NF1: variants seen among roughly 807,000 people sequenced by gnomAD.
The protein encoded by NF1 is neurofibromin.
In NF1, 122 loss-of-function variants were observed where a neutral mutation model predicts 325.7. The observed-to-expected ratio is 0.37, with a 90% CI of 0.32 to 0.44. NF1 has a LOEUF of 0.44. Among genes scored for constraint, NF1 ranks in the 20% least tolerant of loss-of-function variants. The pLI is 1.00. For missense variants in NF1, 2,140 were observed against 3,415.4 expected (o/e 0.63, Z 9.31); for synonymous variants, 1,091 against 1,186.0 (o/e 0.92, Z 1.65).
chr17:31,350,593 T>G (rs757150407), intron 50 of NF1, among the ~76,000 whole-genome samples: 1 of 152,150 alleles, frequency 6.6e-6, no homozygotes, highest in Non-Finnish European at 1.5e-5. Flanking sequence ...CTTGAAAATA[T>G]TAGGTTGCAG....
intron 57 of NF1, among the ~76,000 whole-genome samples, chr17:31,366,177 C>T (rs559524047): frequency 6.6e-6 from 1 of 152,200 alleles, no homozygotes; most frequent in Admixed American, 6.5e-5. Flanking sequence ...TTGTGATCCT[C>T]CCACCTCCAC....
At position 31,336,492 on chromosome 17, in the gene NF1, C is replaced by T. The variant is rs2151553695; in HGVS notation, c.6147+19C>T. 1 of 1,613,690 alleles carries T rather than the reference C, an allele frequency of 6.2e-7. No individual in the cohort carries two copies. Among genetic ancestry groups the T allele is most frequent in the Non-Finnish European group, 8.5e-7 (1 of 1,179,892 alleles). ...AAGCAAGGTAATCACTTTTCTTTTG[C>T]CTTCTGTACTATAGCATATCTGTTT... On this transcript the variant is annotated intron_variant, in intron 41 of 57. Coordinates refer to ENST00000358273, the MANE Select transcript of NF1 (RefSeq NM_001042492.3). This position sits in a 1 kb window ranked among gnomAD's most constrained non-coding sequence, Gnocchi z 5.5.
chr17:31,302,220 C>A (rs1208520367), intron 36 of NF1, among the ~76,000 whole-genome samples: 1 of 152,160 alleles, frequency 6.6e-6, no homozygotes, highest in Admixed American at 6.5e-5. Context: ...AAAGAGAAAA[C>A]CTCCCTTTAA....
chr17:31,298,709 C>A (rs965241071), intron 36 of NF1, among the ~76,000 whole-genome samples: 23 of 152,112 alleles, frequency 1.5e-4, no homozygotes, highest in African/African-American at 5.5e-4. Context: ...TTTAGGAAAC[C>A]AGCCATCAAT....
chr17:31,327,179 C>A lies in NF1; in HGVS notation c.5269-320C>A, dbSNP rs1276215434. Among the ~76,000 whole-genome samples, 3 of 152,120 alleles carry A rather than the reference C, an allele frequency of 2.0e-5. No individual in the cohort carries two copies. The East Asian group carries it at 5.8e-4, about 29-fold the overall frequency. ...AGACAAGGTTGTTGGCCAGGCTGATCACGAACTCCTGACCTCAAGTGATCT... is the reference window on the plus strand; with the variant it reads ...AGACAAGGTTGTTGGCCAGGCTGATAACGAACTCCTGACCTCAAGTGATCT... On this transcript the variant is annotated intron_variant, in intron 37 of 57. Coordinates refer to ENST00000358273, the MANE Select transcript of NF1 (RefSeq NM_001042492.3).
chr17:31,357,655 T>G (rs1567627392), intron 54 of NF1: 1 of 461,312 alleles, frequency 2.2e-6, no homozygotes, highest in Admixed American at 3.5e-5. Context: ...ATTAGACTGC[T>G]ATATCTAAAT....
chr17:31,350,423 A>G, intron 50 of NF1, 105 bp downstream of exon 50: 1 of 946,908 alleles, frequency 1.1e-6, no homozygotes. Flanking sequence ...CATGGGAGAA[A>G]TCTAGAGATG....
At chr17:31,306,372 G>C (rs1185359772) in intron 36 of NF1, among the ~76,000 whole-genome samples, 1 of 151,590 alleles carries the variant, frequency 6.6e-6, no homozygotes, top group Non-Finnish European at 1.5e-5. Flanking sequence ...GTGACTTCTT[G>C]GTGGATTTTT....
chr17:31,105,864 G>A (rs1033826755), intron 1 of NF1, among the ~76,000 whole-genome samples: 3 of 152,090 alleles, frequency 2.0e-5, no homozygotes, highest in African/African-American at 7.2e-5. Context: ...CCTAACTCCC[G>A]TGTCCCACCC....
intron 57 of NF1, among the ~76,000 whole-genome samples, chr17:31,372,419 A>C (rs952862163): frequency 1.3e-4 from 16 of 124,420 alleles, no homozygotes; most frequent in African/African-American, 6.1e-4. Flanking sequence ...AGTAAGTATA[A>C]TCAGTCTAAT....
intron 35 of NF1, among the ~76,000 whole-genome samples, chr17:31,263,747 C>G (rs1015278154): frequency 1.3e-5 from 2 of 151,310 alleles, no homozygotes; most frequent in Non-Finnish European, 1.5e-5. Flanking sequence ...CCCACTGATG[C>G]TCTTGGAGAC....
intron 57 of NF1, chr17:31,362,315 C>T (rs2070419180): frequency 1.0e-6 from 1 of 985,446 alleles, no homozygotes; most frequent in South Asian, 4.7e-5. Context: ...TTCCTTCCTG[C>T]TTCCCCGCTG....
intron 36 of NF1, among the ~76,000 whole-genome samples, chr17:31,316,927 A>C (rs970833649): frequency 1.3e-5 from 2 of 152,148 alleles, no homozygotes; most frequent in African/African-American, 4.8e-5. Flanking sequence ...TATCACCTTG[A>C]GAGTTACGTA....
At chr17:31,231,790 T>C (rs1462396580) in intron 24 of NF1, among the ~76,000 whole-genome samples, 1 of 152,122 alleles carries the variant, frequency 6.6e-6, no homozygotes, top group Admixed American at 6.5e-5. Flanking sequence ...TAGAACTCAC[T>C]GATACAGAGG....
intron 1 of NF1, among the ~76,000 whole-genome samples, chr17:31,117,837 GT>G (rs1914088450): frequency 6.6e-6 from 1 of 152,116 alleles, no homozygotes; most frequent in Non-Finnish European, 1.5e-5. Context: ...AATGTCCCTT[GT>G]TTACCATTCC....
At chr17:31,252,799 A>C (rs556341187) in intron 30 of NF1, 139 bp from the exon 31 acceptor site, 1 of 702,218 alleles carries the variant, frequency 1.4e-6, no homozygotes, top group South Asian at 1.7e-5. Context: ...CATTCCTCAA[A>C]ATTCAGTTGA....
chr17:31,242,646 T>A, intron 29 of NF1, among the ~76,000 whole-genome samples: 1 of 152,222 alleles, frequency 6.6e-6, no homozygotes, highest in East Asian at 1.9e-4. Flanking sequence ...TTGTAATTGT[T>A]TCAATCTCTT....
intron 12 of NF1, among the ~76,000 whole-genome samples, chr17:31,206,628 C>CT (rs950936586): frequency 3.3e-4 from 50 of 151,752 alleles, no homozygotes; most frequent in East Asian, 1.7e-3. Flanking sequence ...TGAATGTCAC[C>CT]TTTTTTTTCT....
intron 57 of NF1, among the ~76,000 whole-genome samples, chr17:31,373,442 CT>C (rs2151600478): frequency 6.6e-6 from 1 of 152,348 alleles, no homozygotes; most frequent in East Asian, 1.9e-4. Context: ...CAGCCTCTAG[CT>C]TTTCCTTGCA....
Sources: allele counts gnomAD v4.1 joint callset (sites outside exome capture counted in the v4.1 genomes callset), GRCh38; gene constraint gnomAD v4.1.1; non-coding constraint Gnocchi (gnomAD v3.1); transcripts MANE v1.5; gene names NCBI Gene and HGNC (gene_info 2026-07-23, HGNC 2026-07-21).